Variants in CBX2 observed in about 807,000 individuals in gnomAD.
CBX2 encodes chromobox 2, also known as chromobox protein homolog 2.
Under a neutral mutation model 21.0 loss-of-function variants are expected in CBX2, and 11 were observed. That is an observed-to-expected ratio of 0.52 (90% CI 0.33 to 0.87). CBX2 has a LOEUF of 0.87. Ranked by LOEUF, CBX2 falls within the 40% of genes least tolerant of loss-of-function variation. The pLI is 0.02. For missense variants in CBX2, 746 were observed against 724.3 expected (o/e 1.03, Z -0.34); for synonymous variants, 364 against 304.6 (o/e 1.19, Z -2.03).
rs782784948 is a variant in CBX2 at position 79,783,957 on chromosome 17, G to C, written c.514G>C (p.Glu172Gln). The stretch of plus-strand genomic sequence containing the variant: ...GCGGGGACGAAAGCCCCTGCCCCCA[G>C]AGCAAAAGGCAACCCGAAGACCCGT... Reference protein sequence around the residue: ...KKRGRKPLPPEQKATRRPVSL... With the variant: ...KKRGRKPLPPQQKATRRPVSL... The change falls in exon 5 of 5, where the codon GAG (glutamate) becomes CAG (glutamine). Residue 172 changes from glutamate (E) to glutamine (Q), a missense_variant. Around this residue, in one of 2 missense-constraint regions of CBX2, gnomAD observed 701 missense variants for 650.7 expected, o/e 1.08. Coordinates refer to ENST00000310942, the MANE Select transcript of CBX2 (RefSeq NM_005189.3). 1.5e-5 allele frequency: 24 copies of C among 1,613,764 alleles called. No individual in the cohort carries two copies. Among genetic ancestry groups the C allele is most frequent in the Middle Eastern group, 3.3e-4 (2 of 6,084 alleles).
rs1555831560 is a variant in CBX2 at position 79,785,276 on chromosome 17, A to C, written c.*234A>C. ...GTCTCCACCTTGTTCCTACCTCTGC[A>C]GGCCTCTTTGCTCTCCCCTCTTGCC... On this transcript the variant is annotated 3_prime_UTR_variant, in exon 5 of 5. Coordinates refer to ENST00000310942, the MANE Select transcript of CBX2 (RefSeq NM_005189.3). 3.4e-6 allele frequency: 2 copies of C among 589,534 alleles called. No individual in the cohort carries two copies. The highest frequency in any genetic ancestry group is 3.7e-5 in the African/African-American group (2 of 53,664). The allele number at this position is 589,534 out of a possible 1,614,324, so 36.5% of individuals were successfully genotyped here. A position where few individuals can be genotyped will look rare whatever the true frequency, so the allele number is the denominator to read the frequency against.
Position 79,778,523 on chromosome 17 carries a change from G to A in CBX2, c.116+96G>A, listed in dbSNP as rs1041712628. The A allele has an allele frequency of 3.5e-5, 25 of 718,002 alleles. No individual in the cohort carries two copies. Among genetic ancestry groups the A allele is most frequent in the Non-Finnish European group, 4.7e-5 (23 of 492,240 alleles). The allele number at this position is 718,002 out of a possible 1,614,324, so 44.5% of individuals were successfully genotyped here. ...CCGCGCCGTCCGGTGGCCTGGGGGC[G>A]CCCGCGGGCAGAGCGGGAAGTTCGC... On this transcript the variant is annotated intron_variant, in intron 2 of 4. Coordinates refer to ENST00000310942, the MANE Select transcript of CBX2 (RefSeq NM_005189.3). The surrounding 1 kb of genome is among the most constrained non-coding windows in gnomAD (Gnocchi z 4.8).
In CBX2 at chr17:79,784,292, G is replaced by T. The variant is rs149210919; in HGVS notation, c.849G>T (p.Lys283Asn). The change falls in exon 5 of 5, where the codon AAG (lysine) becomes AAT (asparagine). Residue 283 changes from lysine (K) to asparagine (N), a missense_variant. This residue lies in a region of CBX2 where 701 missense variants were observed against 650.7 expected (regional missense o/e 1.08). Transcript: ENST00000310942. This position sits in a 1 kb window ranked among gnomAD's most constrained non-coding sequence, Gnocchi z 5.9. ...CGCTGAAGGCCCAGGCCACCAACAA[G>T]TGCGGCCTCGGGCTGGACCTGAAGG... ...RLALKAQATN[K>N]CGLGLDLKVR... 4.3e-3 allele frequency: 6,887 copies of T among 1,613,088 alleles called. 18 individuals are homozygous for T. The highest frequency in any genetic ancestry group is 5.1e-3 in the Non-Finnish European group (5,968 of 1,179,904).
At chr17:79,779,822 G>GC (rs1264446521) in intron 3 of CBX2, 2 of 306,454 alleles carry the variant, frequency 6.5e-6, no homozygotes, top group Non-Finnish European at 1.3e-5. Context: ...ACGCAGGTCT[G>GC]CCCTTCCAGC....
At position 79,778,796 on chromosome 17, in the gene CBX2, C is replaced by CTT. The variant is rs150418903; in HGVS notation, c.116+379_116+380dup. Among the ~76,000 whole-genome samples, 1 of 148,264 alleles carries CTT rather than the reference C, an allele frequency of 6.7e-6. No individual in the cohort carries two copies. Among genetic ancestry groups the CTT allele is most frequent in the Non-Finnish European group, 1.5e-5 (1 of 66,672 alleles). ...CTTGCTATTGATGGATGTAGAGTTT[C>CTT]TTTTTTTTTTTCTTTCTTTTAATGG... On this transcript the variant is annotated intron_variant, in intron 2 of 4. Transcript: ENST00000310942. This position sits in a 1 kb window ranked among gnomAD's most constrained non-coding sequence, Gnocchi z 4.8.
intron 4 of CBX2, chr17:79,782,033 A>G (rs1196647208): frequency 6.2e-7 from 1 of 1,614,006 alleles, no homozygotes; most frequent in Non-Finnish European, 8.5e-7. Context: ...TTCCTGCTTC[A>G]GCCTGTCCTG....
At position 79,784,204 on chromosome 17, in the gene CBX2, G is replaced by A; in HGVS notation, c.761G>A (p.Ser254Asn). Residue 254 changes from serine (S) to asparagine (N), a missense_variant, in exon 5 of 5, where the codon AGC (serine) becomes AAC (asparagine). Ser to Asn is a conservative substitution (Grantham distance 46). Around this residue, in one of 2 missense-constraint regions of CBX2, gnomAD observed 701 missense variants for 650.7 expected, o/e 1.08. Coordinates refer to ENST00000310942, the MANE Select transcript of CBX2 (RefSeq NM_005189.3). The surrounding 1 kb of genome is among the most constrained non-coding windows in gnomAD (Gnocchi z 5.9). ...GGCCGGGGTGGCATCAGCTGGCAGAGCTCCATCGTGCACTACATGAACCGG... is the reference window on the plus strand; with the variant it reads ...GGCCGGGGTGGCATCAGCTGGCAGAACTCCATCGTGCACTACATGAACCGG... The part of the protein sequence containing the change: ...SPGRGGISWQ[S>N]SIVHYMNRMT... 1 of 1,612,850 alleles carries A rather than the reference G, an allele frequency of 6.2e-7. No individual in the cohort carries two copies. Among genetic ancestry groups the A allele is most frequent in the African/African-American group, 1.3e-5 (1 of 75,038 alleles).
In CBX2 at chr17:79,784,844, G is replaced by C; in HGVS notation, c.1401G>C (p.Ser467=). ...EMSAGEESSS[S]DSDPDSASPP... is the part of the protein sequence containing the mutation. ...GCGCAGGTGAGGAGAGTAGCAGCTC[G>C]GACTCCGACCCCGACTCCGCCTCGC... The change falls in exon 5 of 5, where the codon TCG becomes TCC. Residue 467 remains serine (S), a synonymous_variant. Transcript: ENST00000310942. The surrounding 1 kb of genome is among the most constrained non-coding windows in gnomAD (Gnocchi z 5.9). 1 of 1,612,728 alleles carries C rather than the reference G, an allele frequency of 6.2e-7. No individual in the cohort carries two copies. Among genetic ancestry groups the C allele is most frequent in the South Asian group, 1.1e-5 (1 of 91,016 alleles).
Position 79,779,676 on chromosome 17 carries a change from T to C in CBX2, c.182+249T>C, listed in dbSNP as rs377624331. On this transcript the variant is annotated intron_variant, in intron 3 of 4. Coordinates refer to ENST00000310942, the MANE Select transcript of CBX2 (RefSeq NM_005189.3). Reference sequence around the variant, plus strand: ...CCTAAGTAAGTGCTGCTTTGGTGTTTCCGACAGCCATACTTGCAAAAACCA... The same window carrying C: ...CCTAAGTAAGTGCTGCTTTGGTGTTCCCGACAGCCATACTTGCAAAAACCA... The C allele has an allele frequency of 3.3e-5, 18 of 549,906 alleles. No homozygotes were observed. The East Asian group carries it at 4.8e-4, about 15-fold the overall frequency. 34.1% of individuals were successfully genotyped at this position (549,906 alleles called of 1,614,324 possible). A position where few individuals can be genotyped will look rare whatever the true frequency, so the allele number is the denominator to read the frequency against.
chr17:79,783,129 C>G (rs573598818), intron 4 of CBX2, among the ~76,000 whole-genome samples: 3 of 152,212 alleles, frequency 2.0e-5, no homozygotes, highest in Non-Finnish European at 4.4e-5. Context: ...ATCTGCATCC[C>G]CCTTGAAAGC....
intron 2 of CBX2, 64 bp from the exon 3 acceptor site, chr17:79,779,298 G>T: frequency 2.0e-6 from 3 of 1,528,212 alleles, no homozygotes; most frequent in Non-Finnish European, 2.7e-6. Flanking sequence ...GCCCCCTCGG[G>T]CTGCCTTGCA....
chr17:79,779,266 A>G, intron 2 of CBX2, 96 bp from the exon 3 acceptor site: 1 of 1,205,796 alleles, frequency 8.3e-7, no homozygotes, highest in South Asian at 1.3e-5. Context: ...CATCGGCCCA[A>G]GTCGAGGAGC....
Position 79,778,423 on chromosome 17 carries a change from T to TC in CBX2, c.114dup (p.Lys39GlnfsTer3). On this transcript the variant is annotated frameshift_variant, in exon 2 of 5. Coordinates refer to ENST00000310942, the MANE Select transcript of CBX2 (RefSeq NM_005189.3). LOFTEE classifies it high-confidence loss of function. This position sits in a 1 kb window ranked among gnomAD's most constrained non-coding sequence, Gnocchi z 4.8. ...CCTGGTCAAGTGGCGCGGCTGGTCC[T>TC]CCAAGTGAGTCCCCCGCGACGCCGC... is the stretch of plus-strand genomic sequence containing the variant. 1 of 1,552,356 alleles carries TC rather than the reference T, an allele frequency of 6.4e-7. No homozygotes were observed. Among genetic ancestry groups the TC allele is most frequent in the Non-Finnish European group, 8.7e-7 (1 of 1,155,648 alleles).
Position 79,784,634 on chromosome 17 carries a change from T to A in CBX2, c.1191T>A (p.Ile397=), listed in dbSNP as rs1267138835. 1.4e-5 allele frequency: 22 copies of A among 1,612,342 alleles called. No homozygotes were observed. The highest frequency in any genetic ancestry group is 1.9e-5 in the Non-Finnish European group (22 of 1,179,854). The change falls in exon 5 of 5, where the codon ATT becomes ATA. Residue 397 remains isoleucine (I), a synonymous_variant. Coordinates refer to ENST00000310942, the MANE Select transcript of CBX2 (RefSeq NM_005189.3). The surrounding 1 kb of genome is among the most constrained non-coding windows in gnomAD (Gnocchi z 5.9). ...APGKGTGSGL[I]GASGATMPTD... ...GGAAGGGCACTGGGAGTGGCCTCAT[T>A]GGGGCCAGCGGGGCCACCATGCCCA...
chr17:79,780,532 C>G (rs2145822589), intron 3 of CBX2, among the ~76,000 whole-genome samples: 1 of 152,200 alleles, frequency 6.6e-6, no homozygotes, highest in African/African-American at 2.4e-5. Flanking sequence ...GTGCGCTTCT[C>G]TGGATCTAAG....
At position 79,782,095 on chromosome 17, in the gene CBX2, C is replaced by T. The variant is rs9912676; in HGVS notation, c.288+294C>T. 3 of 1,613,598 alleles carry T rather than the reference C, an allele frequency of 1.9e-6. No individual in the cohort carries two copies. In the South Asian group the frequency reaches 3.3e-5, roughly 18 times the overall value. On this transcript the variant is annotated intron_variant, in intron 4 of 4. Coordinates refer to ENST00000310942, the MANE Select transcript of CBX2 (RefSeq NM_005189.3). ...CAAACTGCTGCAGACAAGCACTCTT[C>T]CCTCCCAGGGGGTCCTTGGGGGACG... is the stretch of plus-strand genomic sequence containing the variant.
chr17:79,779,354 C>T lies in CBX2; in HGVS notation c.117-8C>T. 1 of 1,613,524 alleles carries T rather than the reference C, an allele frequency of 6.2e-7. No individual in the cohort carries two copies. The highest frequency in any genetic ancestry group is 8.5e-7 in the Non-Finnish European group (1 of 1,179,868). On this transcript the variant is annotated splice_region_variant and splice_polypyrimidine_tract_variant and intron_variant, in intron 2 of 4. Coordinates refer to ENST00000310942, the MANE Select transcript of CBX2 (RefSeq NM_005189.3). ...GCGTCTAATGCTGCCCTGTCCTCTG[C>T]TTTGCAGACATAACAGCTGGGAGCC...
chr17:79,782,938 T>C (rs1224136654), intron 4 of CBX2, among the ~76,000 whole-genome samples: 4 of 152,230 alleles, frequency 2.6e-5, no homozygotes, highest in Non-Finnish European at 5.9e-5. Flanking sequence ...AGGAAGACAG[T>C]GGTTTATTTA....
At chr17:79,779,925 A>G (rs1555829880) in intron 3 of CBX2, among the ~76,000 whole-genome samples, 1 of 152,272 alleles carries the variant, frequency 6.6e-6, no homozygotes, top group African/African-American at 2.4e-5. Flanking sequence ...TCTCTCAAGA[A>G]AGAAACATTT....
Sources: allele counts gnomAD v4.1 joint callset (sites outside exome capture counted in the v4.1 genomes callset), GRCh38; gene constraint gnomAD v4.1.1; regional missense constraint gnomAD v4.1.1; non-coding constraint Gnocchi (gnomAD v3.1); transcripts MANE v1.5; gene names NCBI Gene and HGNC (gene_info 2026-07-23, HGNC 2026-07-21).